The following MGAT5 variants were observed in gnomAD, a reference collection of about 807,000 sequenced individuals.
MGAT5 encodes the protein alpha-1,6-mannosylglycoprotein 6-beta-N-acetylglucosaminyltransferase A.
A neutral mutation model predicts 94.3 loss-of-function variants in MGAT5; 30 were observed. The observed-to-expected ratio is 0.32, with a 90% CI of 0.24 to 0.43. MGAT5 has a LOEUF of 0.43. MGAT5 is among the 20% of genes least tolerant of loss of function. The pLI is 1.00. For synonymous variants in MGAT5, 310 were observed against 322.9 expected (o/e 0.96, Z 0.43); for missense variants, 691 against 905.5 (o/e 0.76, Z 3.04).
intron 1 of MGAT5, among the ~76,000 whole-genome samples, chr2:134,209,662 G>GCACAGA: frequency 8.9e-4 from 1 of 1,122 alleles, no homozygotes; most frequent in African/African-American, 0.011. Flanking sequence ...GTGTGCATGT[G>GCACAGA]TCTTTATAGC....
chr2:134,201,232 G>A (rs1336295740), intron 1 of MGAT5, among the ~76,000 whole-genome samples: 1 of 152,114 alleles, frequency 6.6e-6, no homozygotes, highest in Non-Finnish European at 1.5e-5. Context: ...AGGTTGGGCT[G>A]TGAACCAATA....
At chr2:134,341,961 GC>G (rs1324578098) in intron 7 of MGAT5, among the ~76,000 whole-genome samples, 1 of 152,100 alleles carries the variant, frequency 6.6e-6, no homozygotes, top group African/African-American at 2.4e-5. Context: ...GTCGCTGAAG[GC>G]TCCAGAGGCT....
intron 10 of MGAT5, among the ~76,000 whole-genome samples, chr2:134,385,915 CAT>C (rs1298771817): frequency 6.6e-6 from 1 of 152,022 alleles, no homozygotes; most frequent in African/African-American, 2.4e-5. Context: ...AAAATAAGGT[CAT>C]ATTGGTTCTA....
chr2:134,448,933 C>CA lies in MGAT5; in HGVS notation c.*87dup, dbSNP rs1685950407. ...GGCAGGGCCAGGGACAGAAGTCATGCAGGGACTCTGGCAAGAGCCTGAACT... is the reference window on the plus strand; with the variant it reads ...GGCAGGGCCAGGGACAGAAGTCATGCAAGGGACTCTGGCAAGAGCCTGAACT... On this transcript the variant is annotated 3_prime_UTR_variant, in exon 16 of 16. Transcript: ENST00000281923. The CA allele has an allele frequency of 7.2e-6, 10 of 1,386,196 alleles. No individual in the cohort carries two copies. The South Asian group carries it at 1.3e-4, about 17-fold the overall frequency. 85.9% of individuals were successfully genotyped at this position (1,386,196 alleles called of 1,614,324 possible).
chr2:134,220,066 G>A (rs1680679478), intron 1 of MGAT5, among the ~76,000 whole-genome samples: 1 of 152,202 alleles, frequency 6.6e-6, no homozygotes, highest in Non-Finnish European at 1.5e-5. Flanking sequence ...TGTGAAGGCA[G>A]CAAATGCATG....
chr2:134,167,685 A>G (rs1437787149), intron 1 of MGAT5, among the ~76,000 whole-genome samples: 2 of 152,210 alleles, frequency 1.3e-5, no homozygotes, highest in Non-Finnish European at 2.9e-5. Flanking sequence ...TTCATTTGTT[A>G]TGGTGTGCAA....
intron 1 of MGAT5, among the ~76,000 whole-genome samples, chr2:134,266,500 C>T (rs113959129): frequency 0.046 from 7,004 of 152,314 alleles, 244 homozygotes; most frequent in Non-Finnish European, 0.073. Context: ...GGATTACAGG[C>T]GTGAGCCGCC....
chr2:134,425,943 C>G (rs1684565695), intron 13 of MGAT5, among the ~76,000 whole-genome samples: 1 of 150,090 alleles, frequency 6.7e-6, no homozygotes, highest in Non-Finnish European at 1.5e-5. Context: ...TACTTCCTTG[C>G]TTCTCCACAG....
chr2:134,331,236 T>G (rs1442793890), intron 4 of MGAT5, among the ~76,000 whole-genome samples: 2 of 152,088 alleles, frequency 1.3e-5, no homozygotes, highest in African/African-American at 2.4e-5. Context: ...AAAAAACAAA[T>G]TGTTGTATTT....
chr2:134,334,193 T>G (rs1471364418), intron 4 of MGAT5, among the ~76,000 whole-genome samples: 1 of 152,136 alleles, frequency 6.6e-6, no homozygotes, highest in Non-Finnish European at 1.5e-5. Flanking sequence ...AATGATCAGT[T>G]TCAAAGAGGC....
At chr2:134,251,969 G>A (rs187898893), upstream of MGAT5, among the ~76,000 whole-genome samples, 94 of 152,324 alleles carry the variant, frequency 6.2e-4, 2 homozygotes, top group Admixed American at 6.1e-3. Flanking sequence ...GCTTCTGCAT[G>A]TGAGATTGTA....
At chr2:134,243,164 A>G (rs1682060606) in intron 1 of MGAT5, among the ~76,000 whole-genome samples, 1 of 152,128 alleles carries the variant, frequency 6.6e-6, no homozygotes, top group African/African-American at 2.4e-5. Flanking sequence ...GCTGTGTATT[A>G]AAATCATCTA....
intron 1 of MGAT5, among the ~76,000 whole-genome samples, chr2:134,165,414 G>A (rs1053549489): frequency 1.9e-4 from 29 of 152,310 alleles, no homozygotes; most frequent in African/African-American, 6.3e-4. Flanking sequence ...GTGAGTTGGA[G>A]CTGGAAGTGG....
chr2:134,235,982 A>G (rs988368479), intron 1 of MGAT5, among the ~76,000 whole-genome samples: 2 of 152,116 alleles, frequency 1.3e-5, no homozygotes, highest in Admixed American at 6.5e-5. Context: ...TGTGAGTGTC[A>G]TCATTCTGAA....
intron 1 of MGAT5, among the ~76,000 whole-genome samples, chr2:134,256,169 T>C (rs932167306): frequency 2.0e-5 from 3 of 152,212 alleles, no homozygotes; most frequent in African/African-American, 7.2e-5. Flanking sequence ...GATTCCACTG[T>C]GGGAGCTTAC....
Position 134,120,475 on chromosome 2 carries a change from G to T in MGAT5, c.-143+184G>T, listed in dbSNP as rs796242797. ...CTCTGCCGCCTGCGTGGGTGCCCCG[G>T]CCCCGGCCGCTCTGCAGGACGCCGG... On this transcript the variant is annotated intron_variant, in intron 1 of 16. Coordinates refer to the MGAT5 transcript ENST00000409645. Among the ~76,000 whole-genome samples the T allele has an allele frequency of 2.6e-5, 4 of 151,950 alleles. No homozygotes were observed. The South Asian group carries it at 8.3e-4, about 32-fold the overall frequency.
At chr2:134,120,343 G>T (rs1472215780) in intron 1 of MGAT5, 4 of 387,436 alleles carry the variant, frequency 1.0e-5, no homozygotes, top group African/African-American at 8.3e-5. Context: ...CGTCATCCCC[G>T]CGGGGTGATG....
At chr2:134,345,688 C>T (rs150754335) in intron 8 of MGAT5, among the ~76,000 whole-genome samples, 215 of 152,174 alleles carry the variant, frequency 1.4e-3, no homozygotes, top group African/African-American at 5.0e-3. Context: ...AATTACATAA[C>T]GAAATTTATT....
At chr2:134,178,269 A>G (rs185468328) in intron 1 of MGAT5, among the ~76,000 whole-genome samples, 1 of 152,310 alleles carries the variant, frequency 6.6e-6, no homozygotes, top group Non-Finnish European at 1.5e-5. Context: ...AACAGATTCT[A>G]ATACAGATAA....
Sources: gnomAD v4.1 joint callset for allele counts (sites outside exome capture counted in the v4.1 genomes callset) on GRCh38, gnomAD v4.1.1 for gene constraint, MANE v1.5 for transcripts, NCBI Gene and HGNC (gene_info 2026-07-23, HGNC 2026-07-21) for gene names.